The following ACTN4 variants were observed in gnomAD, a reference collection of about 807,000 sequenced individuals.
ACTN4 encodes actinin alpha 4.
In ACTN4, 18 loss-of-function variants were observed where a neutral mutation model predicts 114.2. The observed-to-expected ratio is 0.16, with a 90% confidence interval of 0.11 to 0.23. The LOEUF (loss-of-function observed/expected upper bound fraction) is 0.23, where lower values mean the gene tolerates loss of function less well. Ranked by LOEUF, ACTN4 falls within the 10% of genes least tolerant of loss-of-function variation. The probability of loss-of-function intolerance (pLI) is 1.00; values close to 1 mark genes in which losing one functional copy is unlikely to be tolerated. For synonymous variants in ACTN4, 515 were observed against 506.3 expected (o/e 1.02, Z -0.23); for missense variants, 722 against 1,262.9 (o/e 0.57, Z 6.49).
At chr19:38,656,880 G>A (rs1976728211) in intron 1 of ACTN4, among the ~76,000 whole-genome samples, 1 of 152,180 alleles carries the variant, frequency 6.6e-6, no homozygotes, top group Non-Finnish European at 1.5e-5. Flanking sequence ...GAGAGTGGGT[G>A]GAAGCCACAG....
In ACTN4 at chr19:38,724,600, G is replaced by T. The variant is rs1252203475; in HGVS notation, c.2010+35G>T. The T allele has an allele frequency of 1.2e-6, 2 of 1,612,434 alleles. No homozygotes were observed. Among genetic ancestry groups the T allele is most frequent in the Admixed American group, 3.3e-5 (2 of 60,020 alleles). On this transcript the variant is annotated intron_variant, in intron 16 of 20. Transcript: ENST00000252699. The surrounding 1 kb of genome is among the most constrained non-coding windows in gnomAD (Gnocchi z 7.0). Reference sequence around the variant, plus strand: ...GGCTGAGCCCCACAGAGCTGAGAAGGTTCCAAGAGAGCTCCCGTAGTGAGG... The same window carrying T: ...GGCTGAGCCCCACAGAGCTGAGAAGTTTCCAAGAGAGCTCCCGTAGTGAGG...
Position 38,717,422 on chromosome 19 carries a change from CTGTG to C in ACTN4, c.1143+107_1143+110del. ...TAATCTTTCCTAAGTTGTTGATGTC[CTGTG>C]GGACATGGCATGGCCTTTCGGATGC... On this transcript the variant is annotated intron_variant, in intron 10 of 20. Coordinates refer to ENST00000252699, the MANE Select transcript of ACTN4 (RefSeq NM_004924.6). This position sits in a 1 kb window ranked among gnomAD's most constrained non-coding sequence, Gnocchi z 4.0. 6.9e-7 allele frequency: 1 copy of C among 1,439,280 alleles called. No individual in the cohort carries two copies. The highest frequency in any genetic ancestry group is 9.5e-7 in the Non-Finnish European group (1 of 1,056,686). The allele number at this position is 1,439,280 out of a possible 1,614,324, so 89.2% of individuals were successfully genotyped here.
At chr19:38,726,314 A>T (rs896376890) in intron 17 of ACTN4, among the ~76,000 whole-genome samples, 1 of 152,036 alleles carries the variant, frequency 6.6e-6, no homozygotes, top group Non-Finnish European at 1.5e-5. Flanking sequence ...AAGATTGAAA[A>T]GACTAGATCA....
At chr19:38,673,456 C>CATATATATGA (rs1438400673) in intron 1 of ACTN4, among the ~76,000 whole-genome samples, 1 of 71,744 alleles carries the variant, frequency 1.4e-5, no homozygotes, top group Non-Finnish European at 2.9e-5. Flanking sequence ...TATATATATT[C>CATATATATGA]ATATATATTT....
intron 1 of ACTN4, among the ~76,000 whole-genome samples, chr19:38,687,617 A>G (rs1015997562): frequency 2.0e-5 from 3 of 152,240 alleles, no homozygotes; most frequent in Non-Finnish European, 2.9e-5. Flanking sequence ...ACCTCACACC[A>G]TATACAAAAA....
At chr19:38,702,210 A>T (rs543053417) in intron 3 of ACTN4, among the ~76,000 whole-genome samples, 1 of 152,336 alleles carries the variant, frequency 6.6e-6, no homozygotes, top group Non-Finnish European at 1.5e-5. Flanking sequence ...GTCAGTCATC[A>T]GTTTTCATTT....
At chr19:38,649,687 A>G (rs1976500641) in intron 1 of ACTN4, among the ~76,000 whole-genome samples, 1 of 151,606 alleles carries the variant, frequency 6.6e-6, no homozygotes, top group African/African-American at 2.4e-5. Flanking sequence ...TTGAGTGGTG[A>G]CCTGGCAGAG....
At chr19:38,699,934 C>G (rs1325643454) in intron 1 of ACTN4, among the ~76,000 whole-genome samples, 4 of 152,096 alleles carry the variant, frequency 2.6e-5, no homozygotes, top group Non-Finnish European at 5.9e-5. Context: ...CTGCCCAAAG[C>G]TCAAAGAGAG....
Position 38,727,138 on chromosome 19 carries a change from C to G in ACTN4, c.2337+35C>G. The G allele has an allele frequency of 1.2e-6, 2 of 1,613,236 alleles. No homozygotes were observed. The highest frequency in any genetic ancestry group is 2.7e-5 in the African/African-American group (2 of 75,050). On this transcript the variant is annotated intron_variant, in intron 18 of 20. Coordinates refer to ENST00000252699, the MANE Select transcript of ACTN4 (RefSeq NM_004924.6). This position sits in a 1 kb window ranked among gnomAD's most constrained non-coding sequence, Gnocchi z 5.4. ...CTGCCACCTCCTCGGCCTCTCCCCTCCCGCCGTTGCCGTACCAGCCCACAC... is the reference window on the plus strand; with the variant it reads ...CTGCCACCTCCTCGGCCTCTCCCCTGCCGCCGTTGCCGTACCAGCCCACAC...
At chr19:38,723,142 A>G (rs1969104551) in intron 12 of ACTN4, among the ~76,000 whole-genome samples, 1 of 152,182 alleles carries the variant, frequency 6.6e-6, no homozygotes, top group Admixed American at 6.5e-5. Context: ...ACAGCAAGGG[A>G]GTGGTTGAGA....
At position 38,725,714 on chromosome 19, in the gene ACTN4, A is replaced by AC. The variant is rs1568747697; in HGVS notation, c.2011-5dup. 1 of 1,612,736 alleles carries AC rather than the reference A, an allele frequency of 6.2e-7. No homozygotes were observed. Among genetic ancestry groups the AC allele is most frequent in the Non-Finnish European group, 8.5e-7 (1 of 1,179,784 alleles). On this transcript the variant is annotated splice_polypyrimidine_tract_variant and intron_variant, in intron 16 of 20. Transcript: ENST00000252699. ...CAGCCTCACCCCACCGCCTGCACCC[A>AC]CCCCCGTAGGAGATCGGGCGCATCT...
chr19:38,716,059 G>A (rs887065975), intron 9 of ACTN4, among the ~76,000 whole-genome samples: 4 of 152,014 alleles, frequency 2.6e-5, no homozygotes, highest in Admixed American at 2.6e-4. Context: ...GCACCACCAC[G>A]CCCAGCTAAT....
chr19:38,718,360 A>G (rs1179830570), intron 11 of ACTN4: 1 of 507,286 alleles, frequency 2.0e-6, no homozygotes, highest in Non-Finnish European at 3.6e-6. Context: ...GACCCTGCCT[A>G]TACAAAAAAA....
At chr19:38,654,936 C>T (rs147269856) in intron 1 of ACTN4, among the ~76,000 whole-genome samples, 62 of 152,186 alleles carry the variant, frequency 4.1e-4, no homozygotes, top group African/African-American at 1.2e-3. Flanking sequence ...AGTGAGTTTA[C>T]GTGGGATTTG....
intron 1 of ACTN4, among the ~76,000 whole-genome samples, chr19:38,658,094 A>C (rs1250143291): frequency 6.6e-6 from 1 of 152,156 alleles, no homozygotes; most frequent in Admixed American, 6.5e-5. Flanking sequence ...TCACAGGAAA[A>C]TACCTACAGG....
chr19:38,713,558 C>T (rs1049904405), intron 8 of ACTN4, among the ~76,000 whole-genome samples: 14 of 152,268 alleles, frequency 9.2e-5, no homozygotes, highest in African/African-American at 2.9e-4. Flanking sequence ...TGTGCACGTG[C>T]GTGTGTGCGC....
chr19:38,716,985 C>A, intron 9 of ACTN4, 101 bp from the exon 10 acceptor site: 2 of 1,300,850 alleles, frequency 1.5e-6, no homozygotes, highest in East Asian at 2.5e-5. Context: ...TAAGGTGGGG[C>A]CCTCAAAGAT....
chr19:38,703,412 G>GT (rs1280631215), intron 3 of ACTN4, among the ~76,000 whole-genome samples: 1 of 151,850 alleles, frequency 6.6e-6, no homozygotes, highest in African/African-American at 2.4e-5. Context: ...CTAATTTTGT[G>GT]TTTTTAGTAG....
chr19:38,652,053 T>A lies in ACTN4; in HGVS notation c.162+4146T>A, dbSNP rs190618954. ...CCTGCCTTGTTTTTCTTGAAGTAGATCTTTTTTTCTTTTTAAAGGCTGATA... is the reference window on the plus strand; with the variant it reads ...CCTGCCTTGTTTTTCTTGAAGTAGAACTTTTTTTCTTTTTAAAGGCTGATA... On this transcript the variant is annotated intron_variant, in intron 1 of 20. Coordinates refer to ENST00000252699, the MANE Select transcript of ACTN4 (RefSeq NM_004924.6). Among the ~76,000 whole-genome samples the A allele has an allele frequency of 1.6e-4, 24 of 152,156 alleles. No homozygotes were observed. The East Asian group carries it at 4.3e-3, about 27-fold the overall frequency.
Sources: allele counts gnomAD v4.1 joint callset (sites outside exome capture counted in the v4.1 genomes callset), GRCh38; gene constraint gnomAD v4.1.1; non-coding constraint Gnocchi (gnomAD v3.1); transcripts MANE v1.5; gene names NCBI Gene and HGNC (gene_info 2026-07-23, HGNC 2026-07-21).